The following ARAP2 variants were observed in gnomAD, a reference collection of about 807,000 sequenced individuals.
ARAP2 encodes the protein ArfGAP with RhoGAP domain, ankyrin repeat and PH domain 2, also known as arf-GAP with Rho-GAP domain, ANK repeat and PH domain-containing protein 2.
Under a neutral mutation model 194.5 loss-of-function variants are expected in ARAP2, and 148 were observed. The ratio of observed to expected loss-of-function variants is 0.76; its 90% confidence interval spans 0.67 to 0.87. ARAP2 has a LOEUF of 0.87. Among genes scored for constraint, ARAP2 ranks in the 40% least tolerant of loss-of-function variants. The probability of loss-of-function intolerance (pLI) is 0.00; values close to 1 mark genes in which losing one functional copy is unlikely to be tolerated. For synonymous variants in ARAP2, 695 were observed against 683.5 expected (o/e 1.02, Z -0.26); for missense variants, 2,128 against 1,989.7 (o/e 1.07, Z -1.32).
intron 19 of ARAP2, among the ~76,000 whole-genome samples, chr4:36,136,352 G>A (rs922695266): frequency 3.3e-5 from 5 of 151,478 alleles, no homozygotes; most frequent in African/African-American, 9.7e-5. Flanking sequence ...AATTCCAAAG[G>A]GCACTTCAAA....
intron 1 of ARAP2, among the ~76,000 whole-genome samples, chr4:36,230,281 C>T (rs1751185636): frequency 6.6e-6 from 1 of 152,192 alleles, no homozygotes; most frequent in Admixed American, 6.5e-5. Flanking sequence ...GTTCTTTTGA[C>T]TTTCAAGTTT....
At position 36,114,164 on chromosome 4, in the gene ARAP2, A is replaced by G; in HGVS notation, c.4156+6T>C. 6.5e-7 allele frequency: 1 copy of G among 1,550,052 alleles called. No individual in the cohort carries two copies. The highest frequency in any genetic ancestry group is 2.3e-5 in the East Asian group (1 of 44,294). On this transcript the variant is annotated splice_donor_region_variant and intron_variant, in intron 26 of 32. Transcript: ENST00000303965. The stretch of plus-strand genomic sequence containing the variant: ...TTTAAGAATCCCTAGCATAAAAATC[A>G]CTTACCTAGCTCTTCATTTTCAATG...
intron 5 of ARAP2, among the ~76,000 whole-genome samples, chr4:36,028,985 A>G (rs1718446092): frequency 6.6e-6 from 1 of 151,996 alleles, no homozygotes; most frequent in Non-Finnish European, 1.5e-5. Flanking sequence ...GAAATTAATG[A>G]GGTATTATTT....
chr4:36,160,563 C>T lies in ARAP2; in HGVS notation c.2338G>A (p.Asp780Asn). 1.3e-6 allele frequency: 2 copies of T among 1,557,958 alleles called. No individual in the cohort carries two copies. Among genetic ancestry groups the T allele is most frequent in the Non-Finnish European group, 1.7e-6 (2 of 1,160,684 alleles). The stretch of plus-strand genomic sequence containing the variant: ...TTTTTTCTCTTTTCTACTGGTGAGT[C>T]CATATGTAATTCTTCATCCTTTTGA... ...NLQKDEELHM[D>N]SPVEKRKNFI... The change falls in exon 13 of 33, where the codon GAC becomes AAC. Residue 780 changes from aspartate to asparagine, a missense_variant. Transcript: ENST00000303965.
chr4:36,091,739 A>T, intron 28 of ARAP2, 142 bp downstream of exon 28: 1 of 924,490 alleles, frequency 1.1e-6, no homozygotes, highest in East Asian at 2.7e-5. Flanking sequence ...ATCTTATACC[A>T]TAGGCTGAAG....
At chr4:36,169,638 T>C (rs1442546230) in intron 9 of ARAP2, among the ~76,000 whole-genome samples, 1 of 151,928 alleles carries the variant, frequency 6.6e-6, no homozygotes, top group Admixed American at 6.6e-5. Context: ...TTCAAGAGAT[T>C]CCCCTGCCTC....
chr4:36,230,206 T>G (rs911263651), intron 1 of ARAP2, among the ~76,000 whole-genome samples: 2 of 152,224 alleles, frequency 1.3e-5, no homozygotes, highest in African/African-American at 4.8e-5. Context: ...GGAATTAAAA[T>G]TGGGATTAAA....
At chr4:36,036,406 T>C (rs1282758193) in intron 5 of ARAP2, among the ~76,000 whole-genome samples, 1 of 151,992 alleles carries the variant, frequency 6.6e-6, no homozygotes, top group Non-Finnish European at 1.5e-5. Flanking sequence ...TTACTTGATG[T>C]GTGTTAGTTT....
At chr4:36,095,702 G>C (rs911366552) in intron 27 of ARAP2, among the ~76,000 whole-genome samples, 1 of 149,318 alleles carries the variant, frequency 6.7e-6, no homozygotes, top group African/African-American at 2.6e-5. Flanking sequence ...CATCAAATTT[G>C]TATTTGTTTT....
At chr4:36,177,473 C>G (rs948737122) in intron 9 of ARAP2, among the ~76,000 whole-genome samples, 2 of 152,142 alleles carry the variant, frequency 1.3e-5, no homozygotes, top group Non-Finnish European at 2.9e-5. Context: ...GGGTGCAGAA[C>G]TGGTCCTATT....
At chr4:36,009,995 T>G (rs998794986) in intron 9 of ARAP2, among the ~76,000 whole-genome samples, 2 of 152,060 alleles carry the variant, frequency 1.3e-5, no homozygotes, top group Admixed American at 6.6e-5. Flanking sequence ...TTAATTTTTT[T>G]GTTGCTAACA....
intron 8 of ARAP2, among the ~76,000 whole-genome samples, chr4:36,013,105 T>G (rs1429534530): frequency 3.3e-5 from 5 of 152,200 alleles, no homozygotes; most frequent in Non-Finnish European, 7.4e-5. Context: ...CCATGAAGTT[T>G]ATTCTTGTTG....
Position 36,147,756 on chromosome 4 carries a change from C to A in ARAP2, c.3001-10G>T, listed in dbSNP as rs79342946. On this transcript the variant is annotated splice_polypyrimidine_tract_variant and intron_variant, in intron 17 of 32. Transcript: ENST00000303965. Reference sequence around the variant, plus strand: ...ATAAGGGAACAAAATGCTGTTAAAACAAATACAAAAAAGTAATAAAGACAG... The same window carrying A: ...ATAAGGGAACAAAATGCTGTTAAAAAAAATACAAAAAAGTAATAAAGACAG... The A allele has an allele frequency of 3.8e-6, 6 of 1,588,298 alleles. No individual in the cohort carries two copies. Among genetic ancestry groups the A allele is most frequent in the Middle Eastern group, 1.7e-4 (1 of 5,902 alleles).
chr4:36,114,359 T>C (rs1221868481), intron 25 of ARAP2, 72 bp from the exon 26 acceptor site: 6 of 873,610 alleles, frequency 6.9e-6, no homozygotes, highest in East Asian at 2.6e-5. Flanking sequence ...GTCAATAATA[T>C]TCCCCATCCA....
At chr4:36,192,615 G>C (rs1472691058) in intron 7 of ARAP2, among the ~76,000 whole-genome samples, 3 of 152,176 alleles carry the variant, frequency 2.0e-5, no homozygotes, top group African/African-American at 7.2e-5. Flanking sequence ...ATCAGCTATA[G>C]AGACTACCTT....
At chr4:36,138,712 T>C (rs1472352866) in intron 19 of ARAP2, among the ~76,000 whole-genome samples, 1 of 151,702 alleles carries the variant, frequency 6.6e-6, no homozygotes, top group East Asian at 1.9e-4. Flanking sequence ...TGATTTGTTT[T>C]GGGCAAATAC....
intron 5 of ARAP2, among the ~76,000 whole-genome samples, chr4:36,025,942 T>G (rs370998886): frequency 6.6e-6 from 1 of 152,192 alleles, no homozygotes; most frequent in African/African-American, 2.4e-5. Flanking sequence ...TCTTATTGTA[T>G]GCATCATGTT....
rs142784332 is a variant in ARAP2 at position 36,125,530 on chromosome 4, G to T, written c.3641-563C>A. Among the ~76,000 whole-genome samples the T allele has an allele frequency of 5.7e-3, 872 of 152,062 alleles. 5 individuals carry two copies. The highest frequency in any genetic ancestry group is 0.017 in the Middle Eastern group (5 of 294). On this transcript the variant is annotated intron_variant, in intron 21 of 32. Coordinates refer to ENST00000303965, the MANE Select transcript of ARAP2 (RefSeq NM_015230.4). ...TCAAATCTTTTGAAAAGTTGAGAGT[G>T]CAATGGAAGAAGTCAAGCCCAGGTC...
In ARAP2 at chr4:36,236,857, A is replaced by G. The variant is rs188974098; in HGVS notation, c.-159-7212T>C. On this transcript the variant is annotated intron_variant, in intron 1 of 32. Transcript: ENST00000303965. ...ATTCTGCAATAGTACCCAGATAAAAAATTCAAGTGTGATTTTTACTCCTTC... is the reference window on the plus strand; with the variant it reads ...ATTCTGCAATAGTACCCAGATAAAAGATTCAAGTGTGATTTTTACTCCTTC... Among the ~76,000 whole-genome samples the G allele has an allele frequency of 7.9e-5, 12 of 152,300 alleles. No individual in the cohort carries two copies. The East Asian group carries it at 2.3e-3, about 29-fold the overall frequency.
Sources: allele counts gnomAD v4.1 joint callset (sites outside exome capture counted in the v4.1 genomes callset), GRCh38; gene constraint gnomAD v4.1.1; transcripts MANE v1.5; gene names NCBI Gene and HGNC (gene_info 2026-07-23, HGNC 2026-07-21).